Variants in PRH1 observed in about 807,000 individuals in gnomAD.
PRH1 encodes salivary acidic proline-rich phosphoprotein 1/2.
Under a neutral mutation model 7.9 loss-of-function variants are expected in PRH1, and 7 were observed. The ratio of observed to expected loss-of-function variants is 0.89; its 90% CI spans 0.50 to 1.67. The LOEUF is 1.67. Ranked by LOEUF, PRH1 falls within the 40% of genes most tolerant of loss-of-function variation. PRH1 has a pLI of 0.00. For missense variants in PRH1, 109 were observed against 223.6 expected, an observed-to-expected ratio of 0.49 and a Z score of 3.27; for synonymous variants, 45 against 80.8, an observed-to-expected ratio of 0.56 and a Z score of 2.38.
chr12:11,118,063 T>C (rs367609263), downstream of PRH1, among the ~76,000 whole-genome samples: 1 of 152,070 alleles, frequency 6.6e-6, no homozygotes, highest in African/African-American at 2.4e-5. Flanking sequence ...AAATGCACAA[T>C]TGGGATCACA....
intron 1 of PRH1, chr12:10,997,995 A>C (rs748734715): frequency 4.8e-5 from 31 of 640,476 alleles, no homozygotes; most frequent in Admixed American, 1.3e-4. Context: ...AACATTCTTT[A>C]TACTTTTAAA....
chr12:10,908,749 T>A (rs1458068407), intron 2 of PRH1: 1 of 1,613,846 alleles, frequency 6.2e-7, no homozygotes, highest in African/African-American at 1.3e-5. Context: ...CTGAACATAG[T>A]CATAGTGAAT....
At chr12:10,909,005 C>T in intron 2 of PRH1, 1 of 1,613,664 alleles carries the variant, frequency 6.2e-7, no homozygotes, top group Non-Finnish European at 8.5e-7. Context: ...TTGTAGCAAG[C>T]CAGAGATTGA....
At chr12:10,987,842 C>A (rs754965955) in intron 1 of PRH1, among the ~76,000 whole-genome samples, 1 of 152,090 alleles carries the variant, frequency 6.6e-6, no homozygotes, top group African/African-American at 2.4e-5. Context: ...GTACCACACC[C>A]TATGACACAT....
intron 1 of PRH1, among the ~76,000 whole-genome samples, chr12:11,073,205 C>T (rs369773487): frequency 0.11 from 5,432 of 48,188 alleles, 674 homozygotes; most frequent in Non-Finnish European, 0.17. Context: ...CATCTCGGCT[C>T]ACTGCAAACT....
intron 1 of PRH1, among the ~76,000 whole-genome samples, chr12:11,129,456 G>A (rs919816754): frequency 9.2e-5 from 14 of 152,272 alleles, no homozygotes; most frequent in Non-Finnish European, 1.6e-4. Flanking sequence ...TATAATAACC[G>A]CATTCCCTAA....
At chr12:11,121,068 G>A (rs1945886140) in exon 2 of PRH1, 1 of 153,344 alleles carries the variant, frequency 6.5e-6, no homozygotes, top group African/African-American at 2.4e-5. Context: ...TTCATGATGT[G>A]TTTTAGTAAA....
At chr12:10,913,325 G>A (rs1443259061) in intron 2 of PRH1, among the ~76,000 whole-genome samples, 1 of 152,040 alleles carries the variant, frequency 6.6e-6, no homozygotes, top group Admixed American at 6.6e-5. Flanking sequence ...CATGGTGGCA[G>A]GCACCTGTAG....
intron 1 of PRH1, among the ~76,000 whole-genome samples, chr12:11,039,642 C>T (rs2246971): frequency 6.6e-6 from 1 of 152,000 alleles, no homozygotes; most frequent in South Asian, 2.1e-4. Flanking sequence ...AGGATCATCA[C>T]CAAAGTAGAT....
intron 1 of PRH1, among the ~76,000 whole-genome samples, chr12:10,987,667 TC>T (rs1376872801): frequency 6.6e-6 from 1 of 151,700 alleles, no homozygotes; most frequent in Non-Finnish European, 1.5e-5. Context: ...AGTCCTATTT[TC>T]CCAGTGAAAA....
chr12:10,940,823 G>T (rs1183642206), intron 2 of PRH1, among the ~76,000 whole-genome samples: 1 of 152,114 alleles, frequency 6.6e-6, no homozygotes, highest in African/African-American at 2.4e-5. Flanking sequence ...CGTCAAAGAT[G>T]GCAGAGAAAG....
Position 11,171,141 on chromosome 12 carries a change from A to T in PRH1, n.39+281T>A, listed in dbSNP as rs559350614. 5.6e-5 allele frequency: 22 copies of T among 394,026 alleles called. No individual in the cohort carries two copies. The South Asian group carries it at 2.3e-3, about 41-fold the overall frequency. 24.4% of individuals were successfully genotyped at this position (394,026 alleles called of 1,614,324 possible). ...TACCATCAGTTGAGCTCTAAATGGT[A>T]AATGCCACAGTGAGAAGCAGACAGG... On this transcript the variant is annotated intron_variant and non_coding_transcript_variant, in intron 1 of 1. Coordinates refer to the PRH1 transcript ENST00000541175.
intron 1 of PRH1, among the ~76,000 whole-genome samples, chr12:11,162,346 T>C (rs560598467): frequency 6.6e-5 from 10 of 152,352 alleles, no homozygotes; most frequent in African/African-American, 2.4e-4. Context: ...GGGAGGAGTT[T>C]ATTGTTGCCA....
At chr12:11,050,262 T>C (rs1358239188), upstream of PRH1, among the ~76,000 whole-genome samples, 6 of 152,192 alleles carry the variant, frequency 3.9e-5, no homozygotes, top group Admixed American at 1.3e-4. Flanking sequence ...ATTGTTTCTA[T>C]AGATTATAGA....
chr12:10,920,668 T>A (rs887414366), intron 2 of PRH1, among the ~76,000 whole-genome samples: 9 of 152,120 alleles, frequency 5.9e-5, no homozygotes, highest in African/African-American at 2.2e-4. Flanking sequence ...ATTTTTAAAT[T>A]ATCTAGGTGG....
At position 10,893,856 on chromosome 12, in the gene PRH1, T is replaced by G. The variant is rs563444411; in HGVS notation, c.-58-9581A>C. 1.6e-4 allele frequency among the ~76,000 whole-genome samples: 24 copies of G among 152,290 alleles called. No individual in the cohort carries two copies. The South Asian group carries it at 4.6e-3, about 29-fold the overall frequency. ...ACGTAATTGTTCTTCAAAATCTGCTTCCAATTATTTCATTTTAAATATTTA... is the reference window on the plus strand; with the variant it reads ...ACGTAATTGTTCTTCAAAATCTGCTGCCAATTATTTCATTTTAAATATTTA... On this transcript the variant is annotated intron_variant, in intron 2 of 3. Transcript: ENST00000539853.
chr12:10,927,792 C>T (rs1950143618), intron 2 of PRH1, among the ~76,000 whole-genome samples: 1 of 152,094 alleles, frequency 6.6e-6, no homozygotes, highest in African/African-American at 2.4e-5. Context: ...ACTAGCCGTG[C>T]ACAAAAAGTG....
At chr12:11,163,148 A>G (rs1357582445) in intron 1 of PRH1, among the ~76,000 whole-genome samples, 3 of 152,128 alleles carry the variant, frequency 2.0e-5, no homozygotes, top group Admixed American at 6.5e-5. Context: ...ATTACAGAGA[A>G]TATTAGCATG....
chr12:11,053,172 C>T (rs1386347801), intron 1 of PRH1, among the ~76,000 whole-genome samples: 1 of 152,264 alleles, frequency 6.6e-6, no homozygotes, highest in African/African-American at 2.4e-5. Flanking sequence ...AATATCATTG[C>T]AATAGATAAA....
Sources: allele counts gnomAD v4.1 joint callset (sites outside exome capture counted in the v4.1 genomes callset), GRCh38; gene constraint gnomAD v4.1.1; transcripts MANE v1.5; gene names NCBI Gene and HGNC (gene_info 2026-07-23, HGNC 2026-07-21).